The following INSYN2B variants were observed in gnomAD, a reference collection of about 807,000 sequenced individuals.
INSYN2B encodes inhibitory synaptic factor family member 2B, also known as protein INSYN2B.
In INSYN2B, 16 loss-of-function variants were observed where a neutral mutation model predicts 41.2. The ratio of observed to expected loss-of-function variants is 0.39; its 90% CI spans 0.26 to 0.59. The LOEUF (loss-of-function observed/expected upper bound fraction) is 0.59. INSYN2B is among the 20% of genes least tolerant of loss of function. The pLI is 0.57. For synonymous variants in INSYN2B, 245 were observed against 244.4 expected (o/e 1.00, Z -0.02); for missense variants, 608 against 646.4 (o/e 0.94, Z 0.64).
intron 3 of INSYN2B, among the ~76,000 whole-genome samples, chr5:169,878,632 A>G (rs961515354): frequency 2.6e-5 from 4 of 152,216 alleles, no homozygotes; most frequent in African/African-American, 9.6e-5. Context: ...AGGTTATTGG[A>G]AGGATTGAAA....
chr5:169,927,910 C>T (rs1173223242), intron 1 of INSYN2B, among the ~76,000 whole-genome samples: 2 of 152,190 alleles, frequency 1.3e-5, no homozygotes, highest in Non-Finnish European at 2.9e-5. Flanking sequence ...GACACTGCTC[C>T]CGGCCCGAAA....
chr5:169,966,599 CA>C (rs1777309326), intron 1 of INSYN2B, among the ~76,000 whole-genome samples: 1 of 152,178 alleles, frequency 6.6e-6, no homozygotes, highest in Non-Finnish European at 1.5e-5. Flanking sequence ...TCACCACACT[CA>C]GCATAGGACC....
At chr5:169,941,914 G>T (rs259911) in intron 1 of INSYN2B, among the ~76,000 whole-genome samples, 8,758 of 152,246 alleles carry the variant, frequency 0.058, 578 homozygotes, top group African/African-American at 0.16. Flanking sequence ...ACCTATAAAT[G>T]TCAAGTCCCA....
intron 3 of INSYN2B, among the ~76,000 whole-genome samples, chr5:169,877,754 G>A (rs565944431): frequency 6.6e-6 from 1 of 152,280 alleles, no homozygotes; most frequent in South Asian, 2.1e-4. Flanking sequence ...GAAGTGATGG[G>A]AAGAAACTAA....
At chr5:169,937,346 T>G (rs1776041392) in intron 1 of INSYN2B, among the ~76,000 whole-genome samples, 1 of 152,210 alleles carries the variant, frequency 6.6e-6, no homozygotes, top group Non-Finnish European at 1.5e-5. Context: ...GATCTATGGT[T>G]CCCTGGGTGT....
At chr5:169,971,649 T>C (rs531047783) in intron 1 of INSYN2B, among the ~76,000 whole-genome samples, 1 of 152,178 alleles carries the variant, frequency 6.6e-6, no homozygotes, top group Non-Finnish European at 1.5e-5. Flanking sequence ...TAGTACTCCC[T>C]TTATAGAAAT....
intron 1 of INSYN2B, among the ~76,000 whole-genome samples, chr5:169,956,200 A>G (rs1439424579): frequency 6.6e-6 from 1 of 152,238 alleles, no homozygotes; most frequent in Non-Finnish European, 1.5e-5. Flanking sequence ...TCTAAGATTC[A>G]TCCTGGTTGA....
chr5:169,928,612 A>G (rs920225109), intron 1 of INSYN2B, among the ~76,000 whole-genome samples: 5 of 152,240 alleles, frequency 3.3e-5, no homozygotes, highest in Middle Eastern at 3.2e-3. Flanking sequence ...GGACAGTGTC[A>G]TGGAGGCCTA....
intron 1 of INSYN2B, among the ~76,000 whole-genome samples, chr5:169,952,269 C>T (rs1418348517): frequency 1.3e-5 from 2 of 152,120 alleles, no homozygotes; most frequent in Non-Finnish European, 2.9e-5. Flanking sequence ...TCAACTCGTC[C>T]GTATAACAAT....
chr5:169,951,826 C>G (rs765000545), intron 1 of INSYN2B, among the ~76,000 whole-genome samples: 4 of 152,100 alleles, frequency 2.6e-5, no homozygotes, highest in African/African-American at 7.2e-5. Context: ...TTATGGATGA[C>G]AAAACTGAGA....
chr5:169,950,671 A>G (rs990112436), intron 1 of INSYN2B, among the ~76,000 whole-genome samples: 5 of 152,168 alleles, frequency 3.3e-5, no homozygotes, highest in African/African-American at 9.7e-5. Context: ...ATTTTGTCCA[A>G]TGTTGTGTTC....
At chr5:169,979,624 GA>G (rs925984750) in intron 1 of INSYN2B, among the ~76,000 whole-genome samples, 2 of 151,730 alleles carry the variant, frequency 1.3e-5, no homozygotes, top group Non-Finnish European at 2.9e-5. Flanking sequence ...CACCATAGCA[GA>G]AAAAAAAGAT....
At chr5:169,917,974 A>G in intron 1 of INSYN2B, among the ~76,000 whole-genome samples, 1 of 152,218 alleles carries the variant, frequency 6.6e-6, no homozygotes, top group Non-Finnish European at 1.5e-5. Flanking sequence ...AGGAGCCCTG[A>G]GCTAATGTGT....
At chr5:169,934,920 C>G in intron 1 of INSYN2B, 1 of 334,622 alleles carries the variant, frequency 3.0e-6, no homozygotes. Flanking sequence ...CAACAATGAC[C>G]TGAGAAAGTA....
intron 1 of INSYN2B, among the ~76,000 whole-genome samples, chr5:169,902,592 C>T (rs1169818156): frequency 6.6e-6 from 1 of 152,198 alleles, no homozygotes; most frequent in Admixed American, 6.5e-5. Context: ...TTGTAGACTG[C>T]ACCCCGCTGA....
intron 1 of INSYN2B, among the ~76,000 whole-genome samples, chr5:169,928,860 C>A (rs1775606597): frequency 6.6e-6 from 1 of 152,178 alleles, no homozygotes; most frequent in African/African-American, 2.4e-5. Context: ...ATTAATTGTG[C>A]ACATGATGCT....
chr5:169,890,557 C>G (rs1009582383), intron 1 of INSYN2B, among the ~76,000 whole-genome samples: 73 of 152,244 alleles, frequency 4.8e-4, no homozygotes, highest in African/African-American at 1.6e-3. Context: ...CGGCAGCTTT[C>G]TCAGTAAGGA....
chr5:169,869,575 G>C (rs764756730), intron 3 of INSYN2B, among the ~76,000 whole-genome samples: 6 of 152,090 alleles, frequency 3.9e-5, no homozygotes, highest in Non-Finnish European at 8.8e-5. Flanking sequence ...TAAATGGGGA[G>C]GGACAGAGCC....
intron 1 of INSYN2B, among the ~76,000 whole-genome samples, chr5:169,979,850 G>A (rs1777878129): frequency 2.0e-5 from 3 of 152,138 alleles, no homozygotes; most frequent in African/African-American, 7.2e-5. Flanking sequence ...CTAATGAAAA[G>A]ATAATGGTTT....
Sources: gnomAD v4.1 joint callset for allele counts (sites outside exome capture counted in the v4.1 genomes callset) on GRCh38, gnomAD v4.1.1 for gene constraint, MANE v1.5 for transcripts, NCBI Gene and HGNC (gene_info 2026-07-23, HGNC 2026-07-21) for gene names.